Variants in ADA2 observed in about 807,000 individuals in gnomAD.
ADA2 encodes adenosine deaminase 2, also known as adenosine deaminase CECR1.
Under a neutral mutation model 44.2 loss-of-function variants are expected in ADA2, and 29 were observed. The observed-to-expected ratio is 0.66, with a 90% CI of 0.49 to 0.89. ADA2 has a LOEUF of 0.89. Ranked by LOEUF, ADA2 falls within the 40% of genes least tolerant of loss-of-function variation. The pLI is 0.00. For missense variants in ADA2, 637 were observed against 644.8 expected, an observed-to-expected ratio of 0.99 and a Z score of 0.13; for synonymous variants, 215 against 234.9, an observed-to-expected ratio of 0.92 and a Z score of 0.77.
chr22:17,208,359 T>C (rs554175318), intron 2 of ADA2, among the ~76,000 whole-genome samples: 1 of 142,734 alleles, frequency 7.0e-6, no homozygotes, highest in Non-Finnish European at 1.5e-5. Flanking sequence ...GGAAGAAGGA[T>C]GTTGCAGTGA....
intron 3 of ADA2, among the ~76,000 whole-genome samples, chr22:17,205,439 A>T (rs1364389488): frequency 6.6e-6 from 1 of 152,048 alleles, no homozygotes; most frequent in African/African-American, 2.4e-5. Context: ...CTATTGTTTA[A>T]GCTCCCCAGC....
intron 1 of ADA2, chr22:17,213,828 A>G (rs1199000863): frequency 1.2e-5 from 3 of 258,264 alleles, no homozygotes; most frequent in Non-Finnish European, 1.5e-5. Context: ...ACCTGAAGTC[A>G]GGAGTTCAAG....
At position 17,181,402 on chromosome 22, in the gene ADA2, A is replaced by G. The variant is rs1376130152; in HGVS notation, c.*81T>C. 10 of 953,180 alleles carry G rather than the reference A, an allele frequency of 1.0e-5. No homozygotes were observed. The highest frequency in any genetic ancestry group is 9.6e-5 in the African/African-American group (6 of 62,302). The allele number at this position is 953,180 out of a possible 1,614,324, so 59.0% of individuals were successfully genotyped here. On this transcript the variant is annotated 3_prime_UTR_variant, in exon 10 of 10. Transcript: ENST00000399837. Reference sequence around the variant, plus strand: ...CAGAGGCCATTGATTTCATGGGCACATGGAGCTGATTCAAGAACGAGTGAG... The same window carrying G: ...CAGAGGCCATTGATTTCATGGGCACGTGGAGCTGATTCAAGAACGAGTGAG...
chr22:17,202,715 C>G (rs1394444141), intron 4 of ADA2, among the ~76,000 whole-genome samples: 2 of 152,128 alleles, frequency 1.3e-5, no homozygotes, highest in African/African-American at 4.8e-5. Context: ...TTTAATCAGC[C>G]AAACCTGGCT....
chr22:17,188,090 A>G (rs1337012141), intron 7 of ADA2, among the ~76,000 whole-genome samples: 1 of 102,312 alleles, frequency 9.8e-6, no homozygotes, highest in Non-Finnish European at 2.1e-5. Flanking sequence ...AAAGAAAAAA[A>G]AAGAAGAAGA....
chr22:17,206,815 C>G (rs1274904870), intron 3 of ADA2, among the ~76,000 whole-genome samples: 6 of 152,266 alleles, frequency 3.9e-5, no homozygotes, highest in Admixed American at 6.5e-5. Context: ...CAGCACCACA[C>G]CTGGCTAATT....
chr22:17,209,454 A>G lies in ADA2; in HGVS notation c.224T>C (p.Met75Thr). The G allele has an allele frequency of 6.2e-7, 1 of 1,614,102 alleles. No homozygotes were observed. The highest frequency in any genetic ancestry group is 1.3e-5 in the African/African-American group (1 of 75,024). ...TLKIAEMKEA[M>T]RTLIFPPSMH... The stretch of plus-strand genomic sequence containing the variant: ...GCTGGGTGGGAATATCAGGGTCCTC[A>G]TGGCCTCCTTCATCTCAGCGATTTT... The change falls in exon 2 of 10, where the codon ATG (methionine) becomes ACG (threonine). Residue 75 changes from methionine to threonine, a missense_variant. Met to Thr is a moderately conservative substitution (Grantham distance 81). Coordinates refer to ENST00000399837, the MANE Select transcript of ADA2 (RefSeq NM_001282225.2).
intron 7 of ADA2, among the ~76,000 whole-genome samples, chr22:17,186,140 A>G (rs1404400422): frequency 6.6e-6 from 1 of 152,224 alleles, no homozygotes. Flanking sequence ...AATGCGGGAC[A>G]GAACATCCTA....
intron 3 of ADA2, among the ~76,000 whole-genome samples, chr22:17,206,390 GAGGCTGCTGTGAGCCAAGATC>G (rs361895): frequency 0.6 from 91,024 of 151,550 alleles, 27,959 homozygotes; most frequent in Middle Eastern, 0.72. Context: ...CCGGGAGGCA[GAGGCTGCTGTGAGCCAAGATC>G]AGGCTGCTGT....
chr22:17,194,019 G>GAAAA (rs34572644), intron 4 of ADA2, among the ~76,000 whole-genome samples: 1 of 123,046 alleles, frequency 8.1e-6, no homozygotes, highest in African/African-American at 3.0e-5. Context: ...AAAAAGGAAT[G>GAAAA]AAAAAAAAAA....
At chr22:17,195,546 A>G (rs1226393752) in intron 4 of ADA2, among the ~76,000 whole-genome samples, 5 of 151,760 alleles carry the variant, frequency 3.3e-5, no homozygotes. Flanking sequence ...AACAAAACAA[A>G]ACAAAAAAAT....
intron 4 of ADA2, 108 bp from the exon 5 acceptor site, chr22:17,191,918 AC>A (rs2062121214): frequency 4.6e-6 from 4 of 878,350 alleles, no homozygotes; most frequent in Admixed American, 5.3e-5. Context: ...CTGCCCAACC[AC>A]CCCCTTCCCA....
upstream of ADA2, among the ~76,000 whole-genome samples, chr22:17,221,156 A>AAAG (rs2062520217): frequency 1.3e-5 from 2 of 151,062 alleles, no homozygotes; most frequent in Non-Finnish European, 2.9e-5. Context: ...AAAAAAAAAA[A>AAAG]GAGTTTAACA....
chr22:17,188,666 T>G, intron 6 of ADA2: 1 of 359,170 alleles, frequency 2.8e-6, no homozygotes, highest in Middle Eastern at 8.6e-4. Flanking sequence ...GATCACGAAG[T>G]CAGGAGATCG....
Position 17,188,331 on chromosome 22 carries a change from A to G in ADA2, c.1081+8T>C, listed in dbSNP as rs747287555. ...TCCGCTGCCTCTGCTCGCATCCCGC[A>G]GGCTCACCTGTTTCTCCGGCGTGGA... On this transcript the variant is annotated splice_region_variant and intron_variant, in intron 7 of 9. Coordinates refer to ENST00000399837, the MANE Select transcript of ADA2 (RefSeq NM_001282225.2). 4 of 1,606,088 alleles carry G rather than the reference A, an allele frequency of 2.5e-6. No individual in the cohort carries two copies. The East Asian group carries it at 8.9e-5, about 36-fold the overall frequency.
intron 4 of ADA2, among the ~76,000 whole-genome samples, chr22:17,196,431 T>G (rs138064135): frequency 1.3e-5 from 2 of 152,274 alleles, no homozygotes; most frequent in Non-Finnish European, 2.9e-5. Context: ...ACAAAAATTT[T>G]TAAGAATATA....
intron 7 of ADA2, among the ~76,000 whole-genome samples, 188 bp downstream of exon 7, chr22:17,188,151 G>T (rs1371933698): frequency 6.6e-6 from 1 of 152,074 alleles, no homozygotes; most frequent in African/African-American, 2.4e-5. Context: ...AATAATACAT[G>T]TAAAGTGGCT....
chr22:17,209,427 A>G lies in ADA2; in HGVS notation c.251T>C (p.Met84Thr), dbSNP rs560925770. The change falls in exon 2 of 10, where the codon ATG (methionine) becomes ACG (threonine). Residue 84 changes from methionine to threonine, a missense_variant. Coordinates refer to ENST00000399837, the MANE Select transcript of ADA2 (RefSeq NM_001282225.2). ...AMRTLIFPPS[M>T]HFFQAKHLIE... The stretch of plus-strand genomic sequence containing the variant: ...GAGATGCTTGGCCTGGAAAAAGTGC[A>G]TGCTGGGTGGGAATATCAGGGTCCT... 8.1e-6 allele frequency: 13 copies of G among 1,614,156 alleles called. No homozygotes were observed. In the African/African-American group the frequency reaches 1.6e-4, roughly 20 times the overall value.
At chr22:17,199,608 C>CA in intron 4 of ADA2, 2 of 1,614,072 alleles carry the variant, frequency 1.2e-6, no homozygotes, top group Non-Finnish European at 8.5e-7. Flanking sequence ...AAATTGAAGC[C>CA]AGATGCTCTC....
Sources: allele counts gnomAD v4.1 joint callset (sites outside exome capture counted in the v4.1 genomes callset), GRCh38; gene constraint gnomAD v4.1.1; transcripts MANE v1.5; gene names NCBI Gene and HGNC (gene_info 2026-07-23, HGNC 2026-07-21).